The following ZNF674 variants were observed in gnomAD, a reference collection of about 807,000 sequenced individuals.
The protein encoded by ZNF674 is zinc finger protein 674, also known as zinc finger family member 674.
ZNF674 carries 2 observed loss-of-function variants against 7.0 expected under a neutral mutation model. The ratio of observed to expected loss-of-function variants is 0.29; its 90% CI spans 0.12 to 0.90. The LOEUF (loss-of-function observed/expected upper bound fraction) is 0.90, where lower values mean the gene tolerates loss of function less well. ZNF674 is among the 40% of genes least tolerant of loss of function. The pLI is 0.57. For missense variants in ZNF674, 297 were observed against 415.5 expected (o/e 0.71, Z 2.48); for synonymous variants, 103 against 145.2 (o/e 0.71, Z 2.09).
intron 5 of ZNF674, among the ~76,000 whole-genome samples, chrX:46,512,489 G>A (rs1941677278): frequency 9.3e-6 from 1 of 107,290 alleles, no homozygotes; most frequent in African/African-American, 3.4e-5. Flanking sequence ...GGTCGGGCAT[G>A]GTGGCTCATG....
At chrX:46,503,802 C>G (rs187535762) in intron 5 of ZNF674, among the ~76,000 whole-genome samples, 1 of 111,552 alleles carries the variant, frequency 9.0e-6, no homozygotes, top group Non-Finnish European at 1.9e-5. Flanking sequence ...CCACTTATGA[C>G]GGATAAGAGG....
chrX:46,502,317 AAG>A (rs1556009135), intron 5 of ZNF674, among the ~76,000 whole-genome samples: 1,383 of 109,016 alleles, frequency 0.013, 14 homozygotes, highest in South Asian at 0.048. Context: ...AAAAAAAAAA[AAG>A]AAAAGAAAAT....
At chrX:46,536,187 C>T (rs1942194963) in intron 3 of ZNF674, among the ~76,000 whole-genome samples, 1 of 111,900 alleles carries the variant, frequency 8.9e-6, no homozygotes, top group Admixed American at 9.6e-5. Context: ...AGGTCTGGCA[C>T]AGTGGCTCAC....
chrX:46,500,790 G>C lies in ZNF674; in HGVS notation c.784C>G (p.Leu262Val), dbSNP rs759967041. The C allele has an allele frequency of 2.0e-5, 24 of 1,199,422 alleles. No individual in the cohort carries two copies. The highest frequency in any genetic ancestry group is 2.6e-5 in the Non-Finnish European group (23 of 888,266). The change falls in exon 6 of 6, where the codon CTC (leucine) becomes GTC (valine). Residue 262 changes from leucine (L) to valine (V), a missense_variant. By Grantham distance (32) the Leu-to-Val change is conservative. Coordinates refer to ENST00000683375, the MANE Select transcript of ZNF674 (RefSeq NM_001190417.2). The stretch of plus-strand genomic sequence containing the variant: ...GTGTGAGTTCTCTGGTGTGCTATGA[G>C]GGTTGACTTCTGGCTGAAGGCTTTT... Reference protein sequence around the residue: ...CAKAFSQKSTLIAHQRTHTGE... With the variant: ...CAKAFSQKSTVIAHQRTHTGE...
rs1941410645 is a variant in ZNF674, at chrX:46,500,818, A to C, written c.756T>G (p.Cys252Trp). 5.0e-6 allele frequency: 6 copies of C among 1,194,124 alleles called. No homozygotes were observed. In the East Asian group the frequency reaches 1.8e-4, roughly 36 times the overall value. The change falls in exon 6 of 6, where the codon TGT (cysteine) becomes TGG (tryptophan). Residue 252 changes from cysteine to tryptophan, a missense_variant. Transcript: ENST00000683375. Reference protein sequence around the residue: ...TGEKPYECCECAKAFSQKSTL... With the variant: ...TGEKPYECCEWAKAFSQKSTL... ...TTGACTTCTGGCTGAAGGCTTTTGC[A>C]CATTCGCAGCATTCATAAGGTTTCT...
chrX:46,533,596 T>C (rs1238240870), intron 3 of ZNF674, among the ~76,000 whole-genome samples: 1 of 107,622 alleles, frequency 9.3e-6, no homozygotes, highest in Non-Finnish European at 1.9e-5. Flanking sequence ...ACCCTGTCTC[T>C]ACTAAAAATA....
In ZNF674 at chrX:46,499,468, A is replaced by C; in HGVS notation, c.*375T>G. 4 of 120,822 alleles carry C rather than the reference A, an allele frequency of 3.3e-5. No homozygotes were observed. The highest frequency in any genetic ancestry group is 5.2e-5 in the Non-Finnish European group (3 of 58,147). 10.0% of individuals were successfully genotyped at this position (120,822 alleles called of 1,213,427 possible). A position where few individuals can be genotyped will look rare whatever the true frequency, so the allele number is the denominator to read the frequency against. The stretch of plus-strand genomic sequence containing the variant: ...TGTGAGCTACGTACCACGCCTGGCT[A>C]CCATGGTTTTATAAGCTCACTAAAT... On this transcript the variant is annotated 3_prime_UTR_variant, in exon 6 of 6. Transcript: ENST00000683375.
At chrX:46,519,138 G>A (rs1941831019) in intron 5 of ZNF674, among the ~76,000 whole-genome samples, 1 of 107,590 alleles carries the variant, frequency 9.3e-6, no homozygotes, top group Non-Finnish European at 1.9e-5. Flanking sequence ...AGGAGGCAGA[G>A]GTTGCAGTGA....
chrX:46,539,708 G>A (rs1370180418), intron 3 of ZNF674, among the ~76,000 whole-genome samples: 1 of 112,540 alleles, frequency 8.9e-6, no homozygotes, highest in Non-Finnish European at 1.9e-5. Flanking sequence ...CTGGCACCTA[G>A]TAGAGATAGA....
intron 5 of ZNF674, among the ~76,000 whole-genome samples, chrX:46,521,662 G>A (rs1274829063): frequency 9.1e-6 from 1 of 109,577 alleles, no homozygotes; most frequent in Non-Finnish European, 1.9e-5. Context: ...GGGGGGGGAG[G>A]TGGATCACCT....
chrX:46,509,891 A>G (rs967810579), intron 5 of ZNF674, among the ~76,000 whole-genome samples: 8 of 110,669 alleles, frequency 7.2e-5, no homozygotes, highest in Non-Finnish European at 1.3e-4. Context: ...AACCAACGCA[A>G]ATGTCCAACA....
At position 46,528,961 on chromosome X, in the gene ZNF674, G is replaced by A. The variant is rs1444654301; in HGVS notation, c.16-52C>T. ...CCCCAGGACCAGCCTGGGGCACTGG[G>A]ACATGGCACCTCACACACACGGAGG... On this transcript the variant is annotated intron_variant, in intron 3 of 5. Transcript: ENST00000683375. The A allele has an allele frequency of 5.8e-6, 7 of 1,211,374 alleles. No individual in the cohort carries two copies. The Admixed American group carries it at 1.3e-4, about 23-fold the overall frequency.
At chrX:46,516,487 A>G (rs1941768448) in intron 5 of ZNF674, among the ~76,000 whole-genome samples, 1 of 112,507 alleles carries the variant, frequency 8.9e-6, no homozygotes, top group African/African-American at 3.2e-5. Context: ...GATTTAAGCC[A>G]CAGCTCAAGT....
At chrX:46,519,063 C>T (rs989475832) in intron 5 of ZNF674, among the ~76,000 whole-genome samples, 1 of 106,790 alleles carries the variant, frequency 9.4e-6, no homozygotes. Flanking sequence ...CTTAGCTGGG[C>T]GTGGTGGTGT....
intron 5 of ZNF674, among the ~76,000 whole-genome samples, chrX:46,520,659 A>C (rs1941891620): frequency 8.9e-6 from 1 of 111,809 alleles, no homozygotes; most frequent in Non-Finnish European, 1.9e-5. Flanking sequence ...TCCAAAGAAG[A>C]GAGGAATGGG....
At chrX:46,539,030 C>T (rs1264925233) in intron 3 of ZNF674, among the ~76,000 whole-genome samples, 1 of 107,123 alleles carries the variant, frequency 9.3e-6, no homozygotes, top group Non-Finnish European at 1.9e-5. Context: ...ACAAAAAATA[C>T]AAAAATTAGC....
In ZNF674 at chrX:46,500,351, T is replaced by C; in HGVS notation, c.1223A>G (p.Tyr408Cys). ...HQRIHTGEKP[Y>C]ECSICGKTFS... ...AGTCTTCCCACATATACTACATTCA[T>C]AGGGTTTCTCTCCTGTATGAATTCT... is the stretch of plus-strand genomic sequence containing the variant. Residue 408 changes from tyrosine (Y) to cysteine (C), a missense_variant, in exon 6 of 6, where the codon TAT becomes TGT. Tyr to Cys is a radical substitution (Grantham distance 194). Transcript: ENST00000683375. 1 of 1,211,750 alleles carries C rather than the reference T, an allele frequency of 8.3e-7. No individual in the cohort carries two copies. Among genetic ancestry groups the C allele is most frequent in the Non-Finnish European group, 1.1e-6 (1 of 895,295 alleles).
rs965022551 is a variant in ZNF674, at chrX:46,499,507, C to T, written c.*336G>A. 2 of 137,988 alleles carry T rather than the reference C, an allele frequency of 1.4e-5. No individual in the cohort carries two copies. Among genetic ancestry groups the T allele is most frequent in the Non-Finnish European group, 2.9e-5 (2 of 69,588 alleles). 11.4% of individuals were successfully genotyped at this position (137,988 alleles called of 1,213,427 possible). On this transcript the variant is annotated 3_prime_UTR_variant, in exon 6 of 6. Transcript: ENST00000683375. ...AGCTCACTAAATTCTTAGTTTTCCT[C>T]GGCATACATACTCTGATAAACAGTG...
chrX:46,525,448 CAA>C (rs57976774), intron 5 of ZNF674: 2,832 of 86,551 alleles, frequency 0.033, 74 homozygotes, highest in African/African-American at 0.098. Flanking sequence ...ACTAAAAATA[CAA>C]AAAAAAAAAA....
Sources: gnomAD v4.1 joint callset for allele counts (sites outside exome capture counted in the v4.1 genomes callset) on GRCh38, gnomAD v4.1.1 for gene constraint, MANE v1.5 for transcripts, NCBI Gene and HGNC (gene_info 2026-07-23, HGNC 2026-07-21) for gene names.